The following DIAPH3 variants were observed in gnomAD, a reference collection of about 807,000 sequenced individuals.
DIAPH3 encodes the protein protein diaphanous homolog 3.
A neutral mutation model predicts 144.3 loss-of-function variants in DIAPH3; 117 were observed. The observed-to-expected ratio is 0.81, with a 90% CI of 0.70 to 0.95. The LOEUF (loss-of-function observed/expected upper bound fraction) is 0.95. DIAPH3 is among the 40% of genes least tolerant of loss of function. The pLI is 0.00. For synonymous variants in DIAPH3, 519 were observed against 488.9 expected, an observed-to-expected ratio of 1.06 and a Z score of -0.81; for missense variants, 1,421 against 1,412.7, an observed-to-expected ratio of 1.01 and a Z score of -0.09.
chr13:59,707,790 C>T (rs2034511284), intron 27 of DIAPH3, among the ~76,000 whole-genome samples: 1 of 152,048 alleles, frequency 6.6e-6, no homozygotes, highest in South Asian at 2.1e-4. Flanking sequence ...TAGACTCTAC[C>T]TTTCTTCCCA....
chr13:60,159,624 AC>A (rs1035652120), intron 1 of DIAPH3, among the ~76,000 whole-genome samples: 3 of 146,888 alleles, frequency 2.0e-5, no homozygotes, highest in Non-Finnish European at 3.0e-5. Flanking sequence ...ACTTTGTCTC[AC>A]AAAAAAAAAA....
intron 25 of DIAPH3, among the ~76,000 whole-genome samples, chr13:59,810,007 G>A (rs951140773): frequency 6.6e-6 from 1 of 151,998 alleles, no homozygotes; most frequent in African/African-American, 2.4e-5. Context: ...TTCTAAATAA[G>A]TGGTATCTTT....
At chr13:59,734,451 TTGA>T (rs1301437696) in intron 27 of DIAPH3, among the ~76,000 whole-genome samples, 8 of 152,220 alleles carry the variant, frequency 5.3e-5, no homozygotes, top group Admixed American at 2.0e-4. Flanking sequence ...AATTATTGAA[TTGA>T]TGAGTAGATT....
chr13:60,107,395 C>T lies in DIAPH3; in HGVS notation c.390+4615G>A, dbSNP rs184840369. Reference sequence around the variant, plus strand: ...TTACACAAGGGATTTCACTTATATCCGTGGTGGTATTTTTTATATTATGTT... The same window carrying T: ...TTACACAAGGGATTTCACTTATATCTGTGGTGGTATTTTTTATATTATGTT... On this transcript the variant is annotated intron_variant, in intron 3 of 27. Coordinates refer to ENST00000400324, the MANE Select transcript of DIAPH3 (RefSeq NM_001042517.2). 1.4e-4 allele frequency among the ~76,000 whole-genome samples: 22 copies of T among 151,978 alleles called. No homozygotes were observed. The East Asian group carries it at 3.5e-3, about 24-fold the overall frequency.
In DIAPH3 at chr13:60,022,392, G is replaced by A. The variant is rs143542395; in HGVS notation, c.627-6247C>T. On this transcript the variant is annotated intron_variant, in intron 5 of 27. Transcript: ENST00000400324. ...ATAGAATATTAACTATAGGATTTTT[G>A]TAGATCTCTTTACCAAGTTAAGAAA... 3.7e-3 allele frequency among the ~76,000 whole-genome samples: 568 copies of A among 152,256 alleles called. 2 individuals carry two copies. Among genetic ancestry groups the A allele is most frequent in the African/African-American group, 0.012 (500 of 41,544 alleles).
intron 20 of DIAPH3, among the ~76,000 whole-genome samples, chr13:59,893,954 A>G (rs918317769): frequency 6.6e-6 from 1 of 152,142 alleles, no homozygotes; most frequent in African/African-American, 2.4e-5. Context: ...GATTGTATGC[A>G]ATTTTTATTC....
intron 20 of DIAPH3, among the ~76,000 whole-genome samples, chr13:59,905,423 TA>T (rs2046684213): frequency 6.7e-6 from 1 of 149,164 alleles, no homozygotes; most frequent in Admixed American, 6.7e-5. Flanking sequence ...CTAGCAAGAT[TA>T]AAAAGGCCTT....
intron 27 of DIAPH3, among the ~76,000 whole-genome samples, chr13:59,684,910 C>T (rs955508393): frequency 2.0e-5 from 3 of 152,048 alleles, no homozygotes; most frequent in Non-Finnish European, 4.4e-5. Flanking sequence ...TATTTATGTG[C>T]TAATTTGCTG....
At position 59,738,084 on chromosome 13, in the gene DIAPH3, G is replaced by A. The variant is rs146390326; in HGVS notation, c.3319+36105C>T. On this transcript the variant is annotated intron_variant, in intron 27 of 27. Transcript: ENST00000400324. ...TGAGAGGCTGAGGCAGGAGAATTGC[G>A]TGAACCTGGTGAAGGGAGGCTGCAG... 4.3e-4 allele frequency among the ~76,000 whole-genome samples: 65 copies of A among 152,158 alleles called. No homozygotes were observed. The East Asian group carries it at 9.7e-3, about 23-fold the overall frequency.
chr13:59,976,656 C>A (rs2050695904), intron 14 of DIAPH3, among the ~76,000 whole-genome samples: 1 of 151,706 alleles, frequency 6.6e-6, no homozygotes, highest in Non-Finnish European at 1.5e-5. Context: ...TGGGTTTCTA[C>A]AAAATCCAAC....
intron 27 of DIAPH3, among the ~76,000 whole-genome samples, chr13:59,721,213 C>T (rs1057259823): frequency 3.9e-5 from 6 of 152,048 alleles, no homozygotes; most frequent in Non-Finnish European, 8.8e-5. Flanking sequence ...ACAATTATAA[C>T]CAGCTGATAT....
intron 22 of DIAPH3, among the ~76,000 whole-genome samples, chr13:59,858,976 C>A (rs768941673): frequency 1.3e-5 from 2 of 152,010 alleles, no homozygotes; most frequent in Non-Finnish European, 2.9e-5. Context: ...AACAAAGGTA[C>A]TTTTTAATTC....
chr13:60,153,058 T>C (rs1270424630), intron 1 of DIAPH3, among the ~76,000 whole-genome samples: 1 of 152,144 alleles, frequency 6.6e-6, no homozygotes, highest in Non-Finnish European at 1.5e-5. Flanking sequence ...ACCCACTCTA[T>C]AACCATGTTC....
At chr13:60,012,470 A>G (rs553402427) in intron 7 of DIAPH3, among the ~76,000 whole-genome samples, 11 of 152,360 alleles carry the variant, frequency 7.2e-5, no homozygotes, top group Admixed American at 7.2e-4. Flanking sequence ...AGAAACTACA[A>G]TATGCCTTGC....
At chr13:59,841,552 C>G (rs986858969) in intron 22 of DIAPH3, among the ~76,000 whole-genome samples, 1 of 152,114 alleles carries the variant, frequency 6.6e-6, no homozygotes, top group Non-Finnish European at 1.5e-5. Flanking sequence ...AGTCATGGCA[C>G]CAATGCACCA....
At chr13:60,040,697 A>T (rs371627098) in intron 5 of DIAPH3, among the ~76,000 whole-genome samples, 4 of 152,194 alleles carry the variant, frequency 2.6e-5, no homozygotes, top group African/African-American at 9.7e-5. Context: ...CTGAGAAATG[A>T]GTGTGAATTG....
chr13:59,973,579 G>C (rs567914425), intron 15 of DIAPH3, among the ~76,000 whole-genome samples: 9 of 152,102 alleles, frequency 5.9e-5, no homozygotes, highest in South Asian at 2.1e-4. Context: ...TCTCCAGACA[G>C]CCTCAGCAAC....
rs2056876986 is a variant in DIAPH3, at chr13:60,064,289, G to T, written c.496-21469C>A. 2.6e-5 allele frequency among the ~76,000 whole-genome samples: 4 copies of T among 152,300 alleles called. No individual in the cohort carries two copies. The South Asian group carries it at 8.3e-4, about 32-fold the overall frequency. On this transcript the variant is annotated intron_variant, in intron 4 of 27. Coordinates refer to ENST00000400324, the MANE Select transcript of DIAPH3 (RefSeq NM_001042517.2). ...AAAGAAAGACATTGACTTATCTGTA[G>T]CTGTGAAACTCCTAGATGGCATCTT...
At chr13:60,134,352 G>C (rs1163588606) in intron 1 of DIAPH3, among the ~76,000 whole-genome samples, 2 of 152,186 alleles carry the variant, frequency 1.3e-5, no homozygotes, top group Non-Finnish European at 2.9e-5. Context: ...ACTATCTTCA[G>C]CCTTTGAAAT....
Sources: gnomAD v4.1 joint callset for allele counts (sites outside exome capture counted in the v4.1 genomes callset) on GRCh38, gnomAD v4.1.1 for gene constraint, MANE v1.5 for transcripts, NCBI Gene and HGNC (gene_info 2026-07-23, HGNC 2026-07-21) for gene names.